The following FRAS1 variants were observed in gnomAD, a reference collection of about 807,000 sequenced individuals.
FRAS1 encodes extracellular matrix organizing protein FRAS1.
A neutral mutation model predicts 435.2 loss-of-function variants in FRAS1; 290 were observed. That is an observed-to-expected ratio of 0.67 (90% CI 0.61 to 0.73). FRAS1 has a LOEUF of 0.73. Among genes scored for constraint, FRAS1 ranks in the 30% least tolerant of loss-of-function variants. The probability of loss-of-function intolerance (pLI) is 0.00; values close to 1 mark genes in which losing one functional copy is unlikely to be tolerated. For missense variants in FRAS1, 4,860 were observed against 5,001.5 expected (o/e 0.97, Z 0.85); for synonymous variants, 1,800 against 1,851.0 (o/e 0.97, Z 0.71).
At position 78,475,420 on chromosome 4, in the gene FRAS1, C is replaced by G; in HGVS notation, c.7683-18C>G. On this transcript the variant is annotated intron_variant, in intron 53 of 73. Transcript: ENST00000512123. ...CCATGGGGCATAGTTTAAGAGATGC[C>G]TTTTTGTGTGCTTCCAGCTACAATG... The G allele has an allele frequency of 1.2e-6, 2 of 1,613,754 alleles. No individual in the cohort carries two copies. Among genetic ancestry groups the G allele is most frequent in the South Asian group, 1.1e-5 (1 of 91,062 alleles).
intron 68 of FRAS1, 72 bp from the exon 69 acceptor site, chr4:78,522,577 G>A: frequency 7.8e-7 from 1 of 1,285,968 alleles, no homozygotes. Flanking sequence ...CTTTTGTGGG[G>A]CTCTACCAGG....
Position 78,473,574 on chromosome 4 carries a change from A to G in FRAS1, c.7659A>G (p.Ser2553=), listed in dbSNP as rs777913927. 4 of 1,607,734 alleles carry G rather than the reference A, an allele frequency of 2.5e-6. No individual in the cohort carries two copies. The highest frequency in any genetic ancestry group is 1.7e-4 in the Middle Eastern group (1 of 6,040). ...ACAATGTCTTCCATATCCAGTGGTC[A>G]CTCATCAGCTTTAAATATACCAGGT... The part of the protein sequence containing the change: ...VSDNVFHIQW[S]LISFKYTSYN... Residue 2553 remains serine (S), a synonymous_variant, in exon 53 of 74, where the codon TCA becomes TCG. Transcript: ENST00000512123.
chr4:78,463,424 G>T (rs114485157), intron 47 of FRAS1, among the ~76,000 whole-genome samples: 3,263 of 152,232 alleles, frequency 0.021, 116 homozygotes, highest in African/African-American at 0.075. Context: ...CCCAGAGTCA[G>T]GCGGTAAGTT....
intron 2 of FRAS1, among the ~76,000 whole-genome samples, chr4:78,099,646 T>A (rs1322760060): frequency 6.6e-6 from 1 of 151,590 alleles, no homozygotes; most frequent in Non-Finnish European, 1.5e-5. Context: ...GGCCAGAGAG[T>A]TTTTTGCACC....
intron 50 of FRAS1, among the ~76,000 whole-genome samples, chr4:78,466,820 C>G (rs1476498104): frequency 6.6e-6 from 1 of 151,944 alleles, no homozygotes; most frequent in African/African-American, 2.4e-5. Context: ...GATTGTTTTT[C>G]TCTTTTTGGA....
intron 28 of FRAS1, among the ~76,000 whole-genome samples, chr4:78,386,852 A>T (rs1732236177): frequency 6.6e-6 from 1 of 152,152 alleles, no homozygotes; most frequent in Non-Finnish European, 1.5e-5. Context: ...CCTAGACCAT[A>T]ATCTTGGCAC....
chr4:78,276,166 CAGGTCATTTA>C (rs1727018037), intron 9 of FRAS1, among the ~76,000 whole-genome samples: 1 of 152,234 alleles, frequency 6.6e-6, no homozygotes, highest in Non-Finnish European at 1.5e-5. Flanking sequence ...TCAGCTCCAT[CAGGTCATTTA>C]AGGACTTCTC....
At chr4:78,481,050 A>G (rs145475096) in intron 56 of FRAS1, among the ~76,000 whole-genome samples, 59 of 151,132 alleles carry the variant, frequency 3.9e-4, no homozygotes, top group African/African-American at 1.3e-3. Context: ...CCTTTCTACT[A>G]TAGCATGTTT....
intron 18 of FRAS1, among the ~76,000 whole-genome samples, chr4:78,331,788 T>C (rs1430914630): frequency 6.6e-6 from 1 of 152,190 alleles, no homozygotes; most frequent in Non-Finnish European, 1.5e-5. Context: ...TTGAAGCTAC[T>C]TGAGGCTCAA....
At chr4:78,321,014 T>TA (rs1729483353) in intron 18 of FRAS1, among the ~76,000 whole-genome samples, 2 of 152,226 alleles carry the variant, frequency 1.3e-5, no homozygotes, top group Admixed American at 1.3e-4. Flanking sequence ...AGGTGCTTCT[T>TA]ACAATTTTGA....
rs147919128 is a variant in FRAS1 at position 78,205,677 on chromosome 4, A to C, written c.109-31833A>C. Among the ~76,000 whole-genome samples the C allele has an allele frequency of 1.6e-4, 24 of 152,342 alleles. No homozygotes were observed. In the East Asian group the frequency reaches 4.6e-3, roughly 29 times the overall value. ...GAAAGCTGGCCCAGTGGCCTGGAGA[A>C]CTGGTGATGATTAAAACCTAAGCTT... is the stretch of plus-strand genomic sequence containing the variant. On this transcript the variant is annotated intron_variant, in intron 2 of 73. Transcript: ENST00000512123.
In FRAS1 at chr4:78,542,732, A is replaced by G. The variant is rs1467308138; in HGVS notation, c.*1608A>G. ...TCTTCAACAGTGCCTTGCATGTAAC[A>G]AGCACTCCAGAAATGTTTGTTGAAT... On this transcript the variant is annotated 3_prime_UTR_variant, in exon 74 of 74. Transcript: ENST00000512123. The G allele has an allele frequency of 6.6e-6, 1 of 152,634 alleles. No homozygotes were observed. The highest frequency in any genetic ancestry group is 6.5e-5 in the Admixed American group (1 of 15,282). 9.5% of individuals were successfully genotyped at this position (152,634 alleles called of 1,614,324 possible). A position where few individuals can be genotyped will look rare whatever the true frequency, so the allele number is the denominator to read the frequency against.
At chr4:78,450,558 A>G (rs1718989831) in intron 45 of FRAS1, 1 of 513,760 alleles carries the variant, frequency 1.9e-6, no homozygotes, top group South Asian at 2.5e-5. Flanking sequence ...TTGACTTAGC[A>G]TTGGTGGCAT....
chr4:78,493,885 G>A (rs955989589), intron 59 of FRAS1, among the ~76,000 whole-genome samples: 11 of 152,144 alleles, frequency 7.2e-5, no homozygotes, highest in African/African-American at 2.7e-4. Context: ...TCAAAAGTGT[G>A]TATTGAATCA....
chr4:78,238,217 C>T (rs1290390164), intron 3 of FRAS1, among the ~76,000 whole-genome samples: 1 of 151,812 alleles, frequency 6.6e-6, no homozygotes, highest in Non-Finnish European at 1.5e-5. Context: ...TGTATTTGAC[C>T]AAGTCTATGA....
intron 2 of FRAS1, among the ~76,000 whole-genome samples, chr4:78,189,630 G>C (rs887776739): frequency 6.6e-6 from 1 of 152,144 alleles, no homozygotes; most frequent in African/African-American, 2.4e-5. Flanking sequence ...CTTTCCAAGT[G>C]TTCTCATTCG....
intron 2 of FRAS1, among the ~76,000 whole-genome samples, chr4:78,078,356 A>G (rs948079884): frequency 1.3e-5 from 2 of 152,182 alleles, no homozygotes; most frequent in African/African-American, 4.8e-5. Context: ...CATTTAATAC[A>G]TATTACCACA....
At chr4:78,222,709 G>A (rs578039795) in intron 2 of FRAS1, among the ~76,000 whole-genome samples, 4 of 152,252 alleles carry the variant, frequency 2.6e-5, no homozygotes, top group Admixed American at 2.6e-4. Flanking sequence ...TTTTGTTGCG[G>A]TGGGTCTCCT....
At chr4:78,457,163 A>G (rs1321230860) in intron 47 of FRAS1, among the ~76,000 whole-genome samples, 1 of 152,228 alleles carries the variant, frequency 6.6e-6, no homozygotes, top group Admixed American at 6.5e-5. Flanking sequence ...TTAGAGACCC[A>G]TTAAAAGGCC....
Sources: gnomAD v4.1 joint callset for allele counts (sites outside exome capture counted in the v4.1 genomes callset) on GRCh38, gnomAD v4.1.1 for gene constraint, MANE v1.5 for transcripts, NCBI Gene and HGNC (gene_info 2026-07-23, HGNC 2026-07-21) for gene names.